The following PRIM2 variants were observed in gnomAD, a reference collection of about 807,000 sequenced individuals.
PRIM2 encodes the protein DNA primase subunit 2, also known as DNA primase large subunit.
Under a neutral mutation model 67.3 loss-of-function variants are expected in PRIM2, and 39 were observed. That is an observed-to-expected ratio of 0.58 (90% CI 0.45 to 0.76). The LOEUF (loss-of-function observed/expected upper bound fraction) is 0.76. Among genes scored for constraint, PRIM2 ranks in the 30% least tolerant of loss-of-function variants. The probability of loss-of-function intolerance (pLI) is 0.00; values close to 1 mark genes in which losing one functional copy is unlikely to be tolerated. For synonymous variants in PRIM2, 143 were observed against 198.7 expected (o/e 0.72, Z 2.36); for missense variants, 398 against 598.7 (o/e 0.66, Z 3.50).
intron 10 of PRIM2, among the ~76,000 whole-genome samples, chr6:57,546,420 A>C (rs2127473473): frequency 6.6e-6 from 1 of 152,316 alleles, no homozygotes; most frequent in East Asian, 1.9e-4. Flanking sequence ...ATCTAGAATT[A>C]AGATTTGGAG....
Position 57,442,116 on chromosome 6 carries a change from A to G in PRIM2, c.693+59948A>G, listed in dbSNP as rs563114835. Among the ~76,000 whole-genome samples, 4 of 152,290 alleles carry G rather than the reference A, an allele frequency of 2.6e-5. No homozygotes were observed. The East Asian group carries it at 7.7e-4, about 29-fold the overall frequency. ...TTGGTAATGTTTCATGTAAAAAACT[A>G]AATACATTTCATATTATTTCTATAA... On this transcript the variant is annotated intron_variant, in intron 7 of 13. Coordinates refer to ENST00000615550, the MANE Select transcript of PRIM2 (RefSeq NM_000947.5).
At chr6:57,342,497 G>C (rs1768527052) in intron 5 of PRIM2, among the ~76,000 whole-genome samples, 1 of 152,148 alleles carries the variant, frequency 6.6e-6, no homozygotes, top group South Asian at 2.1e-4. Flanking sequence ...AAGGGTTTCT[G>C]TGCTCTCGCA....
chr6:57,317,729 C>T (rs1448907873), intron 1 of PRIM2, 28 bp downstream of exon 1: 1 of 152,672 alleles, frequency 6.5e-6, no homozygotes, highest in African/African-American at 2.4e-5. Flanking sequence ...GAATTTAGGA[C>T]AGAGAGCAAT....
At chr6:57,340,843 A>T (rs1264102865) in intron 5 of PRIM2, among the ~76,000 whole-genome samples, 1 of 152,144 alleles carries the variant, frequency 6.6e-6, no homozygotes, top group African/African-American at 2.4e-5. Flanking sequence ...GTACCCTAAA[A>T]CTTAAAGTAT....
chr6:57,453,317 G>C (rs1278593805), intron 7 of PRIM2, among the ~76,000 whole-genome samples: 1 of 152,134 alleles, frequency 6.6e-6, no homozygotes, highest in Non-Finnish European at 1.5e-5. Context: ...TTCCAATTCT[G>C]TGAAGAAAGT....
intron 8 of PRIM2, among the ~76,000 whole-genome samples, chr6:57,508,207 G>C (rs1774288812): frequency 6.6e-6 from 1 of 152,184 alleles, no homozygotes; most frequent in African/African-American, 2.4e-5. Flanking sequence ...AAAGTGCTGG[G>C]ATTACAGGCA....
In PRIM2 at chr6:57,542,512, C is replaced by CT. The variant is rs1183992296; in HGVS notation, c.1020+4895dup. ...CCTGTGTAGCAATATCATCAGTAGTCTTTTTTTTAACTTGTATGTTTAAAT... is the reference window on the plus strand; with the variant it reads ...CCTGTGTAGCAATATCATCAGTAGTCTTTTTTTTTAACTTGTATGTTTAAAT... On this transcript the variant is annotated intron_variant, in intron 10 of 13. Coordinates refer to ENST00000615550, the MANE Select transcript of PRIM2 (RefSeq NM_000947.5). 4.7e-3 allele frequency among the ~76,000 whole-genome samples: 719 copies of CT among 151,658 alleles called. 5 individuals are homozygous for CT. The highest frequency in any genetic ancestry group is 7.3e-3 in the Non-Finnish European group (497 of 67,872).
intron 10 of PRIM2, among the ~76,000 whole-genome samples, chr6:57,540,620 A>T (rs1438514143): frequency 5.9e-5 from 9 of 152,198 alleles, no homozygotes; most frequent in African/African-American, 2.2e-4. Flanking sequence ...AATGTATAAA[A>T]TATATACTAG....
intron 10 of PRIM2, among the ~76,000 whole-genome samples, chr6:57,600,825 C>CT (rs1776450124): frequency 6.6e-6 from 1 of 152,158 alleles, no homozygotes; most frequent in African/African-American, 2.4e-5. Context: ...AAAAGATTTT[C>CT]TTTATCTTTA....
At chr6:57,441,855 G>A (rs112010691) in intron 7 of PRIM2, among the ~76,000 whole-genome samples, 1,955 of 152,126 alleles carry the variant, frequency 0.013, 41 homozygotes, top group African/African-American at 0.043. Flanking sequence ...TTTAATCAAA[G>A]GTAAACTGTG....
chr6:57,587,552 T>C (rs1776213468), intron 10 of PRIM2, among the ~76,000 whole-genome samples: 1 of 150,412 alleles, frequency 6.6e-6, no homozygotes, highest in Non-Finnish European at 1.5e-5. Flanking sequence ...TAGTCACAGC[T>C]ACTTGGGAGG....
the PRIM2 span, among the ~76,000 whole-genome samples, chr6:57,266,200 A>C: frequency 6.6e-6 from 1 of 152,212 alleles, no homozygotes; most frequent in African/African-American, 2.4e-5. Flanking sequence ...TAAAACAAAG[A>C]AACCAAGTCT....
chr6:57,462,509 T>C (rs1214680647), intron 7 of PRIM2, among the ~76,000 whole-genome samples: 1 of 152,214 alleles, frequency 6.6e-6, no homozygotes, highest in South Asian at 2.1e-4. Flanking sequence ...TAAAGAATCC[T>C]TTCATGTGTC....
At chr6:57,625,091 C>T (rs1260263581) in intron 12 of PRIM2, among the ~76,000 whole-genome samples, 6 of 152,064 alleles carry the variant, frequency 3.9e-5, no homozygotes, top group African/African-American at 1.2e-4. Flanking sequence ...TCCCATGACA[C>T]GTGGGAATTA....
chr6:57,537,417 ACT>A, intron 9 of PRIM2, 21 bp from the exon 10 acceptor site: 1 of 1,261,768 alleles, frequency 7.9e-7, no homozygotes, highest in Non-Finnish European at 1.1e-6. Context: ...TTAACTTAAA[ACT>A]CTACTATTTT....
At chr6:57,463,891 C>T (rs190126739) in intron 7 of PRIM2, among the ~76,000 whole-genome samples, 1 of 152,248 alleles carries the variant, frequency 6.6e-6, no homozygotes, top group Non-Finnish European at 1.5e-5. Context: ...TTTTTATGAT[C>T]GAGTCCCTGC....
chr6:57,272,235 G>T, the PRIM2 span, among the ~76,000 whole-genome samples: 1 of 152,270 alleles, frequency 6.6e-6, no homozygotes, highest in Non-Finnish European at 1.5e-5. Flanking sequence ...GGGTGTTAAA[G>T]TCTCCCATTA....
At chr6:57,562,020 A>G (rs1189962429) in intron 10 of PRIM2, among the ~76,000 whole-genome samples, 3 of 152,076 alleles carry the variant, frequency 2.0e-5, no homozygotes, top group African/African-American at 7.2e-5. Flanking sequence ...GAGGAGAGGG[A>G]GAGAGACAGG....
chr6:57,527,476 C>T (rs1428424050), intron 8 of PRIM2, among the ~76,000 whole-genome samples: 1 of 152,190 alleles, frequency 6.6e-6, no homozygotes, highest in Non-Finnish European at 1.5e-5. Context: ...ATCGTTACCA[C>T]TACTTTACTC....
Sources: gnomAD v4.1 joint callset for allele counts (sites outside exome capture counted in the v4.1 genomes callset) on GRCh38, gnomAD v4.1.1 for gene constraint, MANE v1.5 for transcripts, NCBI Gene and HGNC (gene_info 2026-07-23, HGNC 2026-07-21) for gene names.